RPS6KC1: variants seen among roughly 807,000 people sequenced by gnomAD.
RPS6KC1 encodes inactive ribosomal protein S6 kinase delta-1.
RPS6KC1 carries 54 observed loss-of-function variants against 103.8 expected under a neutral mutation model. The ratio of observed to expected loss-of-function variants is 0.52; its 90% CI spans 0.42 to 0.65. The LOEUF (loss-of-function observed/expected upper bound fraction) is 0.65, where lower values mean the gene tolerates loss of function less well. RPS6KC1 is among the 30% of genes least tolerant of loss of function. The pLI is 0.00. For missense variants in RPS6KC1, 1,151 were observed against 1,253.8 expected (o/e 0.92, Z 1.24); for synonymous variants, 439 against 438.7 (o/e 1.00, Z -0.01).
Position 213,242,110 on chromosome 1 carries a change from A to C in RPS6KC1, c.2634A>C (p.Gly878=), listed in dbSNP as rs189351169. The change falls in exon 11 of 15, where the codon GGA becomes GGC. Residue 878 remains glycine, a synonymous_variant. Coordinates refer to ENST00000366960, the MANE Select transcript of RPS6KC1 (RefSeq NM_012424.6). ...GTGAAAGTGGTTTAGTGCTAGAAGG[A>C]GACAAGGAAATACATCAGATTTTTG... is the stretch of plus-strand genomic sequence containing the variant. The part of the protein sequence containing the change: ...TKGESGLVLE[G]DKEIHQIFED... 1 of 1,613,846 alleles carries C rather than the reference A, an allele frequency of 6.2e-7. No individual in the cohort carries two copies. The highest frequency in any genetic ancestry group is 1.7e-5 in the Admixed American group (1 of 59,972).
At chr1:213,436,886 T>A in the RPS6KC1 span, among the ~76,000 whole-genome samples, 1 of 152,162 alleles carries the variant, frequency 6.6e-6, no homozygotes, top group African/African-American at 2.4e-5. Flanking sequence ...AACTCACTTA[T>A]GTATTTTATC....
chr1:213,418,961 G>A, the RPS6KC1 span, among the ~76,000 whole-genome samples: 3 of 152,354 alleles, frequency 2.0e-5, no homozygotes, highest in South Asian at 2.1e-4. Flanking sequence ...CTTGTGTTGC[G>A]TTTCCCGTCT....
chr1:213,476,155 C>G, the RPS6KC1 span, among the ~76,000 whole-genome samples: 2 of 152,162 alleles, frequency 1.3e-5, no homozygotes, highest in Non-Finnish European at 2.9e-5. Flanking sequence ...TTCTGGAAAC[C>G]TCCCCGGCTG....
intron 8 of RPS6KC1, among the ~76,000 whole-genome samples, chr1:213,188,064 G>C (rs376672233): frequency 6.6e-6 from 1 of 152,094 alleles, no homozygotes; most frequent in South Asian, 2.1e-4. Flanking sequence ...CTGCTGAGCA[G>C]CCTCTCAGAT....
the RPS6KC1 span, among the ~76,000 whole-genome samples, chr1:213,548,830 T>TA: frequency 6.6e-6 from 1 of 152,334 alleles, no homozygotes; most frequent in South Asian, 2.1e-4. Flanking sequence ...GAACTGTACA[T>TA]ATATGCTTTA....
At chr1:213,217,392 C>G (rs1382452754) in intron 8 of RPS6KC1, among the ~76,000 whole-genome samples, 1 of 152,070 alleles carries the variant, frequency 6.6e-6, no homozygotes, top group Admixed American at 6.5e-5. Context: ...AGCTTACCAA[C>G]CAAAAAAAGT....
intron 4 of RPS6KC1, among the ~76,000 whole-genome samples, chr1:213,112,468 C>G (rs1457618811): frequency 1.3e-5 from 2 of 151,542 alleles, no homozygotes; most frequent in South Asian, 2.1e-4. Flanking sequence ...TTTTTTATAT[C>G]TTTAAAAAAT....
At chr1:213,353,178 G>T in the RPS6KC1 span, among the ~76,000 whole-genome samples, 1 of 152,190 alleles carries the variant, frequency 6.6e-6, no homozygotes, top group African/African-American at 2.4e-5. Flanking sequence ...TCCCCAGCAG[G>T]GTCTTGAGCA....
At chr1:213,378,285 T>C in the RPS6KC1 span, among the ~76,000 whole-genome samples, 1 of 152,176 alleles carries the variant, frequency 6.6e-6, no homozygotes, top group Admixed American at 6.5e-5. Flanking sequence ...GACTTTGCCT[T>C]TTTGTTCTGT....
the RPS6KC1 span, among the ~76,000 whole-genome samples, chr1:213,792,878 C>T: frequency 6.6e-6 from 1 of 151,700 alleles, no homozygotes; most frequent in Non-Finnish European, 1.5e-5. Context: ...GCCTCTGCCA[C>T]CTCAGCACTC....
chr1:213,779,421 G>T, the RPS6KC1 span, among the ~76,000 whole-genome samples: 1 of 152,214 alleles, frequency 6.6e-6, no homozygotes, highest in South Asian at 2.1e-4. Flanking sequence ...CCCAGTGATG[G>T]TAAACAAAAT....
chr1:213,165,626 T>C (rs2148141490), intron 6 of RPS6KC1, among the ~76,000 whole-genome samples: 1 of 152,292 alleles, frequency 6.6e-6, no homozygotes. Context: ...GGTTTCACCA[T>C]GTTAGCCAGG....
At chr1:213,741,163 TG>T in the RPS6KC1 span, among the ~76,000 whole-genome samples, 1 of 151,414 alleles carries the variant, frequency 6.6e-6, no homozygotes, top group Non-Finnish European at 1.5e-5. Context: ...GGGTACTACG[TG>T]GTGTTTTGCT....
chr1:213,400,099 C>T, the RPS6KC1 span, among the ~76,000 whole-genome samples: 36 of 152,174 alleles, frequency 2.4e-4, no homozygotes, highest in African/African-American at 7.0e-4. Context: ...CCAGAACCCT[C>T]GGGTCTTGTG....
chr1:213,514,073 T>G, the RPS6KC1 span, among the ~76,000 whole-genome samples: 1 of 152,232 alleles, frequency 6.6e-6, no homozygotes, highest in East Asian at 1.9e-4. Context: ...AGAATGCCTT[T>G]GACATTTCCT....
At chr1:213,172,664 C>G (rs2091564424) in intron 7 of RPS6KC1, among the ~76,000 whole-genome samples, 1 of 152,016 alleles carries the variant, frequency 6.6e-6, no homozygotes, top group African/African-American at 2.4e-5. Flanking sequence ...TAGTGGCTGC[C>G]AAGAGCATTG....
chr1:213,484,403 A>T, the RPS6KC1 span, among the ~76,000 whole-genome samples: 29 of 152,288 alleles, frequency 1.9e-4, no homozygotes, highest in Admixed American at 4.6e-4. Context: ...GTCTCAGAAG[A>T]TCTGTGTCCA....
At chr1:213,741,375 A>G in the RPS6KC1 span, among the ~76,000 whole-genome samples, 1 of 152,130 alleles carries the variant, frequency 6.6e-6, no homozygotes, top group South Asian at 2.1e-4. Flanking sequence ...GCTTCTCTGG[A>G]TCACTTACTA....
At chr1:213,678,268 A>C in the RPS6KC1 span, among the ~76,000 whole-genome samples, 1 of 152,228 alleles carries the variant, frequency 6.6e-6, no homozygotes, top group African/African-American at 2.4e-5. Context: ...TTTACAAGGA[A>C]ACATGTGTTC....
Sources: gnomAD v4.1 joint callset for allele counts (sites outside exome capture counted in the v4.1 genomes callset) on GRCh38, gnomAD v4.1.1 for gene constraint, MANE v1.5 for transcripts, NCBI Gene and HGNC (gene_info 2026-07-23, HGNC 2026-07-21) for gene names.